The following AHRR variants were observed in gnomAD, a reference collection of about 807,000 sequenced individuals.
The protein encoded by AHRR is ahR repressor.
AHRR carries 28 observed loss-of-function variants against 44.0 expected under a neutral mutation model. The ratio of observed to expected loss-of-function variants is 0.64; its 90% confidence interval spans 0.47 to 0.87. The LOEUF (loss-of-function observed/expected upper bound fraction) is 0.87. Among genes scored for constraint, AHRR ranks in the 40% least tolerant of loss-of-function variants. The pLI, the probability that AHRR is intolerant of heterozygous loss-of-function variation, is 0.00. For synonymous variants in AHRR, 434 were observed against 407.0 expected (o/e 1.07, Z -0.80); for missense variants, 990 against 953.9 (o/e 1.04, Z -0.50).
intron 5 of AHRR, among the ~76,000 whole-genome samples, chr5:422,185 C>G (rs576329624): frequency 1.1e-4 from 16 of 152,168 alleles, no homozygotes; most frequent in Non-Finnish European, 1.9e-4. Flanking sequence ...TGTCGCCAGA[C>G]ATGGACCCTG....
intron 3 of AHRR, 67 bp downstream of exon 3, chr5:353,978 GGCCTT>G: frequency 6.6e-7 from 1 of 1,511,164 alleles, no homozygotes; most frequent in Non-Finnish European, 9.0e-7. Flanking sequence ...GTCCATCTGG[GGCCTT>G]GTGGCCAGGT....
intron 1 of AHRR, among the ~76,000 whole-genome samples, chr5:343,118 C>A (rs547998272): frequency 2.7e-4 from 41 of 152,290 alleles, no homozygotes; most frequent in African/African-American, 9.4e-4. Flanking sequence ...GGAGATTATG[C>A]TGTTGCCCTG....
chr5:381,429 A>G (rs1200284143), intron 4 of AHRR, among the ~76,000 whole-genome samples: 1 of 151,568 alleles, frequency 6.6e-6, no homozygotes, highest in African/African-American at 2.4e-5. Context: ...GAGTGGTCAA[A>G]GAGGCTATCT....
rs1193635521 is a variant in AHRR, at chr5:383,985, G to T, written c.351+7269G>T. ...GTTGGCAGTATGTAAGTTGGGCCTT[G>T]ATTTTTTTTCAATCAAGTCTGACAA... is the stretch of plus-strand genomic sequence containing the variant. On this transcript the variant is annotated intron_variant, in intron 4 of 10. Coordinates refer to ENST00000684583, the MANE Select transcript of AHRR (RefSeq NM_001377236.1). The surrounding 1 kb of genome is among the most constrained non-coding windows in gnomAD (Gnocchi z 4.0). Among the ~76,000 whole-genome samples the T allele has an allele frequency of 6.6e-6, 1 of 152,018 alleles. No homozygotes were observed. Among genetic ancestry groups the T allele is most frequent in the Non-Finnish European group, 1.5e-5 (1 of 68,008 alleles).
chr5:344,961 G>GGAT (rs1411973853), intron 2 of AHRR, among the ~76,000 whole-genome samples: 1 of 40,762 alleles, frequency 2.5e-5, no homozygotes, highest in South Asian at 8.3e-4. Flanking sequence ...GTGTGTGTGA[G>GGAT]GTTGGGGGCT....
At chr5:364,118 G>GA (rs1333342813) in intron 3 of AHRR, among the ~76,000 whole-genome samples, 6 of 152,104 alleles carry the variant, frequency 3.9e-5, no homozygotes, top group Non-Finnish European at 8.8e-5. Context: ...AAAACTTCAA[G>GA]AAAAAATATT....
intron 1 of AHRR, among the ~76,000 whole-genome samples, chr5:327,250 A>G (rs576782819): frequency 2.0e-5 from 3 of 152,290 alleles, no homozygotes; most frequent in South Asian, 2.1e-4. Flanking sequence ...GTACACATTT[A>G]TGGGTTCATG....
At chr5:394,207 A>G (rs923011117) in intron 4 of AHRR, among the ~76,000 whole-genome samples, 1 of 152,218 alleles carries the variant, frequency 6.6e-6, no homozygotes, top group African/African-American at 2.4e-5. Flanking sequence ...CTTTGTGCTC[A>G]GCTGCATTCC....
In AHRR at chr5:434,677, G is replaced by A. The variant is rs1301461651; in HGVS notation, c.1937G>A (p.Cys646Tyr). 2 of 1,569,420 alleles carry A rather than the reference G, an allele frequency of 1.3e-6. No individual in the cohort carries two copies. Among genetic ancestry groups the A allele is most frequent in the Middle Eastern group, 1.7e-4 (1 of 5,898 alleles). ...ARGRGEQSCT[C>Y]RAAEAAPVVK... The stretch of plus-strand genomic sequence containing the variant: ...GGCCGAGGTGAACAGTCCTGCACCT[G>A]CAGAGCTGCTGAGGCCGCCCCTGTG... The change falls in exon 11 of 11, where the codon TGC becomes TAC. Residue 646 changes from cysteine (C) to tyrosine (Y), a missense_variant. By Grantham distance (194) the Cys-to-Tyr change is radical (BLOSUM62 -2). Transcript: ENST00000684583.
chr5:389,314 C>G (rs973981982), intron 4 of AHRR, among the ~76,000 whole-genome samples: 1 of 152,138 alleles, frequency 6.6e-6, no homozygotes, highest in Non-Finnish European at 1.5e-5. Context: ...ATCCACAGTG[C>G]GTGAGTCCAC....
At chr5:340,024 C>T (rs1465732857) in intron 1 of AHRR, among the ~76,000 whole-genome samples, 1 of 152,068 alleles carries the variant, frequency 6.6e-6, no homozygotes, top group Non-Finnish European at 1.5e-5. Context: ...TCGTGCAATG[C>T]CTTTGGTGTG....
intron 7 of AHRR, among the ~76,000 whole-genome samples, chr5:424,236 T>C (rs377369608): frequency 1.4e-3 from 142 of 100,820 alleles, no homozygotes; most frequent in Middle Eastern, 6.9e-3. Flanking sequence ...CCCATGTGTC[T>C]CTGGTGGGGG....
At chr5:351,073 G>C (rs1025166758) in intron 2 of AHRR, among the ~76,000 whole-genome samples, 1 of 152,112 alleles carries the variant, frequency 6.6e-6, no homozygotes, top group African/African-American at 2.4e-5. Context: ...ACACACACCA[G>C]AATGGCTGTA....
chr5:431,166 G>A (rs1005514950), intron 8 of AHRR, among the ~76,000 whole-genome samples: 10 of 152,218 alleles, frequency 6.6e-5, no homozygotes, highest in African/African-American at 2.4e-4. Context: ...GCCTGGCCCT[G>A]TGTGCGCACA....
At chr5:366,066 C>T (rs529335246) in intron 3 of AHRR, among the ~76,000 whole-genome samples, 47 of 151,860 alleles carry the variant, frequency 3.1e-4, no homozygotes, top group Non-Finnish European at 4.9e-4. Context: ...CTTCCCCCCC[C>T]ACCCCCTGCC....
rs773432660 is a variant in AHRR at position 353,783 on chromosome 5, G to T, written c.116G>T (p.Arg39Leu). 6.4e-5 allele frequency: 104 copies of T among 1,613,538 alleles called. No individual in the cohort carries two copies. Among genetic ancestry groups the T allele is most frequent in the Non-Finnish European group, 8.8e-5 (104 of 1,179,964 alleles). Residue 39 changes from arginine to leucine, a missense_variant, in exon 3 of 11, where the codon CGC (arginine) becomes CTC (leucine). Arg to Leu is a moderately radical substitution (Grantham distance 102, BLOSUM62 -2). Coordinates refer to ENST00000684583, the MANE Select transcript of AHRR (RefSeq NM_001377236.1). ...KSNPSKRHRDRLNAELDHLAS... is the reference protein window; with the variant it reads ...KSNPSKRHRDLLNAELDHLAS... ...AACCCCTCCAAGCGACACCGGGACC[G>T]CCTCAACGCCGAGTTGGACCACCTG...
intron 2 of AHRR, among the ~76,000 whole-genome samples, chr5:352,284 C>T (rs1241536012): frequency 2.5e-4 from 33 of 130,880 alleles, no homozygotes; most frequent in African/African-American, 4.1e-4. Flanking sequence ...CTGTAGGGGA[C>T]GGTCACTGTG....
intron 1 of AHRR, among the ~76,000 whole-genome samples, chr5:340,688 A>ATATATATATATATTTTTTTT (rs1269938749): frequency 2.3e-4 from 3 of 12,928 alleles, no homozygotes; most frequent in Non-Finnish European, 3.8e-4. Context: ...ATATATATAT[A>ATATATATATATATTTTTTTT]TTTTTTTTTT....
intron 2 of AHRR, among the ~76,000 whole-genome samples, chr5:352,953 T>C (rs1024161952): frequency 6.6e-6 from 1 of 152,088 alleles, no homozygotes; most frequent in Admixed American, 6.5e-5. Flanking sequence ...TAGGGGATGG[T>C]CACTCTGAGG....
Sources: gnomAD v4.1 joint callset for allele counts (sites outside exome capture counted in the v4.1 genomes callset) on GRCh38, gnomAD v4.1.1 for gene constraint, Gnocchi (gnomAD v3.1) non-coding constraint, MANE v1.5 for transcripts, NCBI Gene and HGNC (gene_info 2026-07-23, HGNC 2026-07-21) for gene names.